SYN3: variants seen among roughly 807,000 people sequenced by gnomAD.
SYN3 encodes synapsin III, also known as synapsin-3.
SYN3 carries 35 observed loss-of-function variants against 65.8 expected under a neutral mutation model. The ratio of observed to expected loss-of-function variants is 0.53; its 90% CI spans 0.41 to 0.70. The LOEUF is 0.70. Among genes scored for constraint, SYN3 ranks in the 30% least tolerant of loss-of-function variants. The probability of loss-of-function intolerance (pLI) is 0.00; values close to 1 mark genes in which losing one functional copy is unlikely to be tolerated. For synonymous variants in SYN3, 270 were observed against 292.9 expected, an observed-to-expected ratio of 0.92 and a Z score of 0.80; for missense variants, 680 against 749.0, an observed-to-expected ratio of 0.91 and a Z score of 1.08.
chr22:32,616,307 G>A (rs979065271), intron 6 of SYN3, among the ~76,000 whole-genome samples: 28 of 152,186 alleles, frequency 1.8e-4, no homozygotes, highest in African/African-American at 6.3e-4. Flanking sequence ...GAAACTTCCA[G>A]GGTCTCTGAC....
At chr22:32,916,315 G>C (rs529410884) in intron 4 of SYN3, among the ~76,000 whole-genome samples, 1 of 152,174 alleles carries the variant, frequency 6.6e-6, no homozygotes, top group Non-Finnish European at 1.5e-5. Flanking sequence ...AAATAAAATG[G>C]TTGTGGGTTT....
At chr22:33,046,436 C>G (rs2054065392) in intron 1 of SYN3, among the ~76,000 whole-genome samples, 1 of 152,176 alleles carries the variant, frequency 6.6e-6, no homozygotes, top group Admixed American at 6.5e-5. Context: ...TAGAAACAAC[C>G]TGGCTGTGTG....
chr22:32,536,183 C>T (rs1238122309), intron 9 of SYN3, among the ~76,000 whole-genome samples: 2 of 152,210 alleles, frequency 1.3e-5, no homozygotes, highest in Non-Finnish European at 2.9e-5. Flanking sequence ...GAGAAGATGG[C>T]CACGACTGTC....
At chr22:32,966,544 G>A (rs1045534061) in intron 3 of SYN3, among the ~76,000 whole-genome samples, 1 of 152,178 alleles carries the variant, frequency 6.6e-6, no homozygotes, top group Admixed American at 6.5e-5. Context: ...TTATGCATGA[G>A]AGGAAAGTGA....
intron 1 of SYN3, among the ~76,000 whole-genome samples, chr22:33,039,478 C>T (rs1257378667): frequency 1.3e-5 from 2 of 151,056 alleles, no homozygotes; most frequent in African/African-American, 2.4e-5. Flanking sequence ...TGGGTTCAAG[C>T]GATTCTCCTG....
At chr22:32,516,346 G>GATTTATTT (rs58972175) in intron 13 of SYN3, among the ~76,000 whole-genome samples, 1,899 of 149,912 alleles carry the variant, frequency 0.013, 31 homozygotes, top group African/African-American at 0.03. Flanking sequence ...ATACATCTTT[G>GATTTATTT]ATTTATTTAT....
intron 1 of SYN3, among the ~76,000 whole-genome samples, chr22:33,049,939 ACTC>A (rs1569423511): frequency 1.3e-5 from 2 of 151,992 alleles, no homozygotes; most frequent in Non-Finnish European, 2.9e-5. Flanking sequence ...CCATAAGCCT[ACTC>A]CAATCTTTTG....
intron 9 of SYN3, among the ~76,000 whole-genome samples, chr22:32,537,440 T>G (rs960232713): frequency 6.6e-6 from 1 of 152,140 alleles, no homozygotes. Flanking sequence ...ATTACAGGTG[T>G]GAGCCACCGC....
chr22:33,049,809 G>T (rs1407874289), intron 1 of SYN3, among the ~76,000 whole-genome samples: 1 of 152,138 alleles, frequency 6.6e-6, no homozygotes, highest in Non-Finnish European at 1.5e-5. Context: ...CTGTGAGCTA[G>T]AAGACCCCAG....
intron 6 of SYN3, among the ~76,000 whole-genome samples, chr22:32,674,574 A>G (rs975113884): frequency 3.9e-5 from 6 of 152,152 alleles, no homozygotes; most frequent in Non-Finnish European, 7.3e-5. Flanking sequence ...GGGAGGATTT[A>G]CCATTCCAAT....
chr22:32,685,755 A>G (rs2060580680), intron 6 of SYN3, among the ~76,000 whole-genome samples: 2 of 152,250 alleles, frequency 1.3e-5, no homozygotes, highest in African/African-American at 4.8e-5. Context: ...CTGATGCAAT[A>G]CTGTATAACA....
At chr22:32,674,318 C>T (rs9621528) in intron 6 of SYN3, among the ~76,000 whole-genome samples, 7,726 of 152,172 alleles carry the variant, frequency 0.051, 225 homozygotes, top group Admixed American at 0.072. Context: ...CCTGGGAAAG[C>T]GATGTTCCAG....
At chr22:32,630,954 C>T (rs2059738658) in intron 6 of SYN3, among the ~76,000 whole-genome samples, 1 of 152,160 alleles carries the variant, frequency 6.6e-6, no homozygotes, top group Admixed American at 6.5e-5. Flanking sequence ...AACAGCAACT[C>T]GGATTCCAAC....
chr22:33,030,580 CAGAG>C (rs368757775), intron 1 of SYN3, among the ~76,000 whole-genome samples: 11 of 147,528 alleles, frequency 7.5e-5, no homozygotes, highest in Non-Finnish European at 4.5e-5. Context: ...GAGATAGAGA[CAGAG>C]AGAGAGAGAG....
intron 2 of SYN3, among the ~76,000 whole-genome samples, chr22:32,993,055 C>T (rs1044218769): frequency 1.3e-5 from 2 of 152,072 alleles, no homozygotes; most frequent in African/African-American, 4.8e-5. Context: ...CTTGTTCTTC[C>T]CCAGGAATTT....
chr22:32,850,740 G>A (rs987830205), intron 6 of SYN3, among the ~76,000 whole-genome samples: 9 of 152,276 alleles, frequency 5.9e-5, no homozygotes, highest in Middle Eastern at 3.4e-3. Context: ...GTAGGACCTG[G>A]CATGCAAAAG....
At chr22:32,529,057 G>C (rs2058028284) in intron 10 of SYN3, 49 bp from the exon 11 acceptor site, 1 of 1,610,966 alleles carries the variant, frequency 6.2e-7, no homozygotes, top group Non-Finnish European at 8.5e-7. Flanking sequence ...AGGAGAGATG[G>C]CGGTTGGGCA....
Position 32,893,925 on chromosome 22 carries a change from G to A in SYN3, c.462-24800C>T, listed in dbSNP as rs1444748995. On this transcript the variant is annotated intron_variant, in intron 4 of 13. Transcript: ENST00000358763. Reference sequence around the variant, plus strand: ...TCACAACTTGGTTTTCCACCAAGCTGTGAGCTCATCAAGAGCACAGATGAT... The same window carrying A: ...TCACAACTTGGTTTTCCACCAAGCTATGAGCTCATCAAGAGCACAGATGAT... 2.0e-5 allele frequency among the ~76,000 whole-genome samples: 3 copies of A among 152,210 alleles called. No individual in the cohort carries two copies. The South Asian group carries it at 6.2e-4, about 32-fold the overall frequency.
At chr22:33,035,322 A>C (rs2053832578) in intron 1 of SYN3, among the ~76,000 whole-genome samples, 5 of 113,310 alleles carry the variant, frequency 4.4e-5, no homozygotes, top group East Asian at 2.7e-4. Flanking sequence ...AAAATTAAAA[A>C]TCTCGGGACC....
Sources: gnomAD v4.1 joint callset for allele counts (sites outside exome capture counted in the v4.1 genomes callset) on GRCh38, gnomAD v4.1.1 for gene constraint, MANE v1.5 for transcripts, NCBI Gene and HGNC (gene_info 2026-07-23, HGNC 2026-07-21) for gene names.